Variants in LSAMP observed in about 807,000 individuals in gnomAD.
LSAMP encodes the protein limbic system associated membrane protein.
In LSAMP, 7 loss-of-function variants were observed where a neutral mutation model predicts 38.6. That is an observed-to-expected ratio of 0.18 (90% CI 0.10 to 0.34). The LOEUF (loss-of-function observed/expected upper bound fraction) is 0.34, where lower values mean the gene tolerates loss of function less well. Ranked by LOEUF, LSAMP falls within the 10% of genes least tolerant of loss-of-function variation. LSAMP has a pLI of 1.00. For missense variants in LSAMP, 313 were observed against 420.0 expected (o/e 0.75, Z 2.23); for synonymous variants, 154 against 166.8 (o/e 0.92, Z 0.59).
At chr3:116,054,014 T>C (rs1178620113) in intron 2 of LSAMP, among the ~76,000 whole-genome samples, 1 of 152,230 alleles carries the variant, frequency 6.6e-6, no homozygotes, top group Non-Finnish European at 1.5e-5. Flanking sequence ...CTTACAGTTT[T>C]AGAGATCAGA....
intron 1 of LSAMP, among the ~76,000 whole-genome samples, chr3:116,286,162 A>C (rs1321934901): frequency 2.0e-5 from 3 of 152,198 alleles, no homozygotes; most frequent in Non-Finnish European, 4.4e-5. Context: ...GGAACAGGGA[A>C]GCTTTGCAAT....
At chr3:116,309,789 A>T (rs1286977199) in intron 1 of LSAMP, among the ~76,000 whole-genome samples, 1 of 152,156 alleles carries the variant, frequency 6.6e-6, no homozygotes, top group African/African-American at 2.4e-5. Context: ...GGATGATGAA[A>T]ATGCTTAATG....
intron 2 of LSAMP, among the ~76,000 whole-genome samples, chr3:116,059,265 T>C (rs1446778091): frequency 1.3e-5 from 2 of 152,230 alleles, no homozygotes; most frequent in Admixed American, 1.3e-4. Flanking sequence ...TTTTGCATCT[T>C]GCAGAGATAA....
At chr3:116,411,050 G>A (rs1183597291) in intron 1 of LSAMP, among the ~76,000 whole-genome samples, 1 of 152,056 alleles carries the variant, frequency 6.6e-6, no homozygotes, top group Admixed American at 6.6e-5. Flanking sequence ...GGCCATCAGA[G>A]AAATGCAAAT....
intron 6 of LSAMP, among the ~76,000 whole-genome samples, chr3:115,820,844 C>T (rs952363839): frequency 1.8e-4 from 27 of 152,114 alleles, no homozygotes; most frequent in Non-Finnish European, 2.9e-4. Flanking sequence ...TTTAGAACCA[C>T]GGTGCCTGAA....
At chr3:116,212,749 T>C (rs1055576772) in intron 1 of LSAMP, among the ~76,000 whole-genome samples, 3 of 152,164 alleles carry the variant, frequency 2.0e-5, no homozygotes, top group African/African-American at 7.2e-5. Context: ...TCCTAAGCAG[T>C]TGGGTGAGAG....
intron 1 of LSAMP, among the ~76,000 whole-genome samples, chr3:116,233,455 T>C (rs1306436628): frequency 6.7e-6 from 1 of 149,962 alleles, no homozygotes; most frequent in South Asian, 2.1e-4. Context: ...GTAATACTTA[T>C]ATATAATATT....
chr3:115,873,364 CAG>C (rs749327705), intron 3 of LSAMP, among the ~76,000 whole-genome samples: 15 of 141,852 alleles, frequency 1.1e-4, no homozygotes, highest in Non-Finnish European at 1.5e-4. Context: ...GCCTGGATGA[CAG>C]AGTGAGGCTC....
At chr3:115,910,415 A>G (rs140020371) in intron 3 of LSAMP, among the ~76,000 whole-genome samples, 1,629 of 152,236 alleles carry the variant, frequency 0.011, 18 homozygotes, top group Non-Finnish European at 0.015. Context: ...TAATATAAGT[A>G]ATGCCTTCTC....
chr3:116,304,615 A>G (rs1189002032), intron 1 of LSAMP, among the ~76,000 whole-genome samples: 1 of 152,156 alleles, frequency 6.6e-6, no homozygotes, highest in Non-Finnish European at 1.5e-5. Context: ...AAGGATTTCA[A>G]GCAGGTGCAT....
chr3:115,816,546 GACA>G, intron 6 of LSAMP: 1 of 894,730 alleles, frequency 1.1e-6, no homozygotes, highest in Middle Eastern at 3.4e-4. Context: ...AAGTATATAA[GACA>G]ACAATATATT....
At chr3:116,101,957 A>T (rs1708357382) in intron 1 of LSAMP, among the ~76,000 whole-genome samples, 1 of 152,176 alleles carries the variant, frequency 6.6e-6, no homozygotes. Flanking sequence ...ATGAGTTTAT[A>T]GAGGGATTGT....
At chr3:116,290,847 TATTAA>T (rs1470811352) in intron 1 of LSAMP, among the ~76,000 whole-genome samples, 5 of 152,102 alleles carry the variant, frequency 3.3e-5, no homozygotes, top group African/African-American at 9.6e-5. Context: ...TATTGTCTGC[TATTAA>T]ATTAATCAAA....
Position 116,185,030 on chromosome 3 carries a change from C to CTTTTTTTTTTTTTT in LSAMP, c.156-98488_156-98475dup, listed in dbSNP as rs368314567. ...AGATTTTTTCTTTCTTTCTTTCTTT[C>CTTTTTTTTTTTTTT]TTTTTTTTTTTTTTTCAGTTCTCAC... On this transcript the variant is annotated intron_variant, in intron 1 of 6. Coordinates refer to ENST00000490035, the MANE Select transcript of LSAMP (RefSeq NM_002338.5). Among the ~76,000 whole-genome samples, 127 of 117,632 alleles carry CTTTTTTTTTTTTTT rather than the reference C, an allele frequency of 1.1e-3. 1 individual carries two copies. Among genetic ancestry groups the CTTTTTTTTTTTTTT allele is most frequent in the Non-Finnish European group, 1.3e-3 (71 of 56,530 alleles). 77.2% of individuals were successfully genotyped at this position (117,632 alleles called of 152,430 possible). A position where few individuals can be genotyped will look rare whatever the true frequency, so the allele number is the denominator to read the frequency against.
chr3:115,835,614 A>G (rs1340025967), intron 6 of LSAMP, among the ~76,000 whole-genome samples: 1 of 152,224 alleles, frequency 6.6e-6, no homozygotes, highest in Non-Finnish European at 1.5e-5. Context: ...CAAAAATCAA[A>G]ACCACAATGA....
At chr3:116,340,233 G>C (rs1021759461) in intron 1 of LSAMP, among the ~76,000 whole-genome samples, 4 of 152,022 alleles carry the variant, frequency 2.6e-5, no homozygotes, top group Non-Finnish European at 5.9e-5. Context: ...TTGTAATAAA[G>C]ATTAAAAGTG....
Position 116,426,210 on chromosome 3 carries a change from G to C in LSAMP, c.155+18667C>G, listed in dbSNP as rs138477682. Among the ~76,000 whole-genome samples the C allele has an allele frequency of 2.8e-3, 419 of 152,196 alleles. 3 individuals are homozygous for C. The highest frequency in any genetic ancestry group is 9.6e-3 in the African/African-American group (397 of 41,502). On this transcript the variant is annotated intron_variant, in intron 1 of 6. Coordinates refer to ENST00000490035, the MANE Select transcript of LSAMP (RefSeq NM_002338.5). Reference sequence around the variant, plus strand: ...AGTAAGAACTCAACACATGAGGCCGGGCGCCATGGCTAACGCCTGTAATTT... The same window carrying C: ...AGTAAGAACTCAACACATGAGGCCGCGCGCCATGGCTAACGCCTGTAATTT...
chr3:115,892,382 TTGTG>T (rs1325167523), intron 3 of LSAMP, among the ~76,000 whole-genome samples: 3 of 151,980 alleles, frequency 2.0e-5, no homozygotes, highest in African/African-American at 4.8e-5. Flanking sequence ...ACTCTAAACA[TTGTG>T]GTATATTCAC....
At chr3:116,389,532 G>A (rs987400701) in intron 1 of LSAMP, among the ~76,000 whole-genome samples, 14 of 152,056 alleles carry the variant, frequency 9.2e-5, no homozygotes, top group Non-Finnish European at 1.9e-4. Context: ...AACATTCTGG[G>A]TATTTCTCAT....
Sources: gnomAD v4.1 joint callset for allele counts (sites outside exome capture counted in the v4.1 genomes callset) on GRCh38, gnomAD v4.1.1 for gene constraint, MANE v1.5 for transcripts, NCBI Gene and HGNC (gene_info 2026-07-23, HGNC 2026-07-21) for gene names.